The following DMD variants were observed in gnomAD, a reference collection of about 807,000 sequenced individuals.
DMD encodes the protein mutant dystrophin.
Under a neutral mutation model 330.1 loss-of-function variants are expected in DMD, and 63 were observed. The observed-to-expected ratio is 0.19, with a 90% confidence interval of 0.16 to 0.24. DMD has a LOEUF of 0.24. Ranked by LOEUF, DMD falls within the 10% of genes least tolerant of loss-of-function variation. The probability of loss-of-function intolerance (pLI) is 1.00; values close to 1 mark genes in which losing one functional copy is unlikely to be tolerated. For missense variants in DMD, 3,344 were observed against 2,684.1 expected (o/e 1.25, Z -5.43); for synonymous variants, 1,223 against 959.8 (o/e 1.27, Z -5.07).
chrX:32,692,830 C>A (rs2063377770), intron 9 of DMD, among the ~76,000 whole-genome samples: 2 of 111,743 alleles, frequency 1.8e-5, no homozygotes, highest in Admixed American at 1.9e-4. Context: ...CTTATCTAAC[C>A]CCTGATGTAT....
chrX:32,799,883 C>T (rs2148679895), intron 7 of DMD, among the ~76,000 whole-genome samples: 1 of 111,174 alleles, frequency 9.0e-6, no homozygotes, highest in East Asian at 2.8e-4. Context: ...ATGCTAATGC[C>T]TACTGCTACT....
intron 44 of DMD, among the ~76,000 whole-genome samples, chrX:32,110,697 G>A (rs968398600): frequency 1.3e-4 from 14 of 111,558 alleles, no homozygotes; most frequent in Admixed American, 1.1e-3. Flanking sequence ...AAAGCATAAT[G>A]CTGCAAGCAA....
intron 44 of DMD, among the ~76,000 whole-genome samples, chrX:32,163,766 C>T (rs752198603): frequency 9.0e-6 from 1 of 111,531 alleles, no homozygotes; most frequent in Non-Finnish European, 1.9e-5. Context: ...ATTGTATCAA[C>T]ATCAATTTCC....
intron 17 of DMD, among the ~76,000 whole-genome samples, chrX:32,521,071 A>G (rs2148822712): frequency 9.0e-6 from 1 of 111,362 alleles, no homozygotes; most frequent in South Asian, 3.8e-4. Flanking sequence ...CCCTTCTTTT[A>G]CATTTGAGTT....
chrX:31,538,914 C>T lies in DMD; in HGVS notation c.8218-31461G>A, dbSNP rs147595261. On this transcript the variant is annotated intron_variant, in intron 55 of 78. Transcript: ENST00000357033. ...TGTATGTTTCACAATCTGGACGGCTCTTCATGGCAGTCCTGAATTGTAGTA... is the reference window on the plus strand; with the variant it reads ...TGTATGTTTCACAATCTGGACGGCTTTTCATGGCAGTCCTGAATTGTAGTA... Among the ~76,000 whole-genome samples, 16 of 110,932 alleles carry T rather than the reference C, an allele frequency of 1.4e-4. 1 individual carries two copies. Among genetic ancestry groups the T allele is most frequent in the African/African-American group, 5.2e-4 (16 of 30,553 alleles).
intron 57 of DMD, among the ~76,000 whole-genome samples, chrX:31,482,237 G>GC (rs200268849): frequency 1.1e-5 from 1 of 94,063 alleles, no homozygotes; most frequent in East Asian, 3.3e-4. Context: ...GTGTGTGTGT[G>GC]GGGGGGGTGT....
intron 2 of DMD, among the ~76,000 whole-genome samples, chrX:32,968,057 G>A (rs1180952105): frequency 2.7e-5 from 3 of 111,565 alleles, no homozygotes; most frequent in South Asian, 3.8e-4. Flanking sequence ...TTGGGTCTTC[G>A]TTCATCTTTG....
At chrX:33,290,902 C>T (rs1242392631) in intron 1 of DMD, among the ~76,000 whole-genome samples, 2 of 111,266 alleles carry the variant, frequency 1.8e-5, no homozygotes, top group Non-Finnish European at 3.8e-5. Context: ...TTTCAAACAA[C>T]GGATATATTC....
chrX:31,409,121 T>A (rs112034641), intron 60 of DMD, among the ~76,000 whole-genome samples: 648 of 111,820 alleles, frequency 5.8e-3, no homozygotes, highest in Non-Finnish European at 7.7e-3. Flanking sequence ...GAATTCATCA[T>A]TTTTTATGGC....
chrX:32,122,134 G>C, intron 44 of DMD, among the ~76,000 whole-genome samples: 1 of 111,289 alleles, frequency 9.0e-6, no homozygotes, highest in Admixed American at 9.6e-5. Context: ...CTGCAGAAGG[G>C]GGCTTTCTAA....
At chrX:33,300,709 G>A (rs1037431350) in intron 1 of DMD, among the ~76,000 whole-genome samples, 3 of 111,308 alleles carry the variant, frequency 2.7e-5, no homozygotes, top group Admixed American at 9.6e-5. Flanking sequence ...GAACTTCCCC[G>A]CCTCCATAAC....
At chrX:32,220,859 T>C (rs1285883111) in intron 43 of DMD, among the ~76,000 whole-genome samples, 1 of 99,129 alleles carries the variant, frequency 1.0e-5, no homozygotes, top group Non-Finnish European at 2.2e-5. Context: ...GGAAAAAAAG[T>C]TTTTTTTCTT....
At chrX:32,978,539 G>A (rs899422836) in intron 2 of DMD, among the ~76,000 whole-genome samples, 38 of 110,919 alleles carry the variant, frequency 3.4e-4, no homozygotes, top group Non-Finnish European at 5.7e-4. Context: ...GTGCAATCTC[G>A]GCTCGATGCA....
chrX:31,346,608 T>G (rs1287895998), intron 61 of DMD, among the ~76,000 whole-genome samples: 1 of 111,430 alleles, frequency 9.0e-6, no homozygotes, highest in Non-Finnish European at 1.9e-5. Context: ...TTTCTAATAC[T>G]TAAACTTTCA....
At chrX:32,168,558 A>C (rs931777958) in intron 44 of DMD, among the ~76,000 whole-genome samples, 26 of 105,592 alleles carry the variant, frequency 2.5e-4, no homozygotes, top group Non-Finnish European at 4.6e-4. Context: ...AAAAAAAAAA[A>C]ACCAACAAAA....
intron 48 of DMD, among the ~76,000 whole-genome samples, chrX:31,848,475 G>A (rs1179401588): frequency 9.0e-6 from 1 of 111,285 alleles, no homozygotes; most frequent in African/African-American, 3.3e-5. Flanking sequence ...AGTCGTCATG[G>A]GATTTCCACC....
chrX:32,039,559 G>C (rs1816229171), intron 44 of DMD, among the ~76,000 whole-genome samples: 1 of 111,409 alleles, frequency 9.0e-6, no homozygotes, highest in East Asian at 2.8e-4. Flanking sequence ...CAGGGCATCT[G>C]TCTATGAGTA....
At chrX:33,135,090 A>G (rs1424909598) in intron 1 of DMD, among the ~76,000 whole-genome samples, 1 of 112,006 alleles carries the variant, frequency 8.9e-6, no homozygotes, top group Non-Finnish European at 1.9e-5. Context: ...TCTTGATAAG[A>G]TAGTTTCCAT....
At chrX:31,815,125 C>T (rs2092586176) in intron 50 of DMD, among the ~76,000 whole-genome samples, 2 of 112,019 alleles carry the variant, frequency 1.8e-5, no homozygotes, top group South Asian at 7.5e-4. Context: ...AAGCATAGGC[C>T]AGCATCAGCA....
Sources: gnomAD v4.1 joint callset for allele counts (sites outside exome capture counted in the v4.1 genomes callset) on GRCh38, gnomAD v4.1.1 for gene constraint, MANE v1.5 for transcripts, NCBI Gene and HGNC (gene_info 2026-07-23, HGNC 2026-07-21) for gene names.